The following LRRC37A2 variants were observed in gnomAD, a reference collection of about 807,000 sequenced individuals.
LRRC37A2 encodes leucine-rich repeat-containing protein 37A2.
Under a neutral mutation model 68.8 loss-of-function variants are expected in LRRC37A2, and 9 were observed. That is an observed-to-expected ratio of 0.13 (90% CI 0.08 to 0.23). The LOEUF (loss-of-function observed/expected upper bound fraction) is 0.23. Ranked by LOEUF, LRRC37A2 falls within the 10% of genes least tolerant of loss-of-function variation. LRRC37A2 has a pLI of 1.00. For synonymous variants in LRRC37A2, 63 were observed against 367.6 expected (o/e 0.17, Z 9.48); for missense variants, 168 against 950.4 (o/e 0.18, Z 10.82).
chr17:46,548,482 G>A, exon 10 of LRRC37A2: 1 of 1,187,028 alleles, frequency 8.4e-7, no homozygotes, highest in Non-Finnish European at 1.1e-6. Flanking sequence ...TGACGAGAGT[G>A]ATTTTATCAG....
chr17:46,747,722 TAGAAAG>T, the LRRC37A2 span, among the ~76,000 whole-genome samples: 3 of 152,276 alleles, frequency 2.0e-5, no homozygotes, highest in East Asian at 5.8e-4. Context: ...TGAAAAGTAT[TAGAAAG>T]AGAAAGAAAT....
chr17:46,833,441 G>A, the LRRC37A2 span: 2 of 513,934 alleles, frequency 3.9e-6, no homozygotes, highest in Middle Eastern at 3.3e-4. Context: ...GAATCAGAAG[G>A]TGAGTGTTAG....
In LRRC37A2 at chr17:46,515,154, G is replaced by GT; in HGVS notation, c.2442_2443insT (p.Ala815CysfsTer18). On this transcript the variant is annotated frameshift_variant, in exon 2 of 15. Transcript: ENST00000576629. LOFTEE classifies it high-confidence loss of function. ...AGTCTGAAAGTTACACCCAAAATAA[G>GT]GCTTTAACTGCACCAGAGGAACACA... 4.2e-6 allele frequency: 2 copies of GT among 475,194 alleles called. 1 individual carries two copies. The highest frequency in any genetic ancestry group is 6.8e-6 in the Non-Finnish European group (2 of 294,424). The allele number at this position is 475,194 out of a possible 1,614,324, so 29.4% of individuals were successfully genotyped here.
chr17:46,925,377 C>T, the LRRC37A2 span, among the ~76,000 whole-genome samples: 1 of 152,242 alleles, frequency 6.6e-6, no homozygotes, highest in Non-Finnish European at 1.5e-5. Context: ...CTACTATGTG[C>T]TGTGCACCAT....
the LRRC37A2 span, among the ~76,000 whole-genome samples, chr17:46,793,279 A>AAG: frequency 1.4e-5 from 2 of 145,462 alleles, 1 homozygote; most frequent in Admixed American, 1.4e-4. Flanking sequence ...GTCTAAAAAA[A>AAG]AAAAAAAAAA....
the LRRC37A2 span, chr17:46,940,811 C>T: frequency 6.8e-7 from 1 of 1,476,386 alleles, no homozygotes; most frequent in Non-Finnish European, 9.0e-7. Flanking sequence ...GGGTCTTTAC[C>T]ACCTGCGGCT....
At chr17:46,936,354 C>T in the LRRC37A2 span, 8 of 985,376 alleles carry the variant, frequency 8.1e-6, no homozygotes, top group Non-Finnish European at 9.6e-6. Context: ...ATGCTAACTT[C>T]CCACTCAAGT....
the LRRC37A2 span, chr17:46,941,909 A>G: frequency 1.0e-6 from 1 of 984,990 alleles, no homozygotes; most frequent in Non-Finnish European, 1.2e-6. Context: ...TGATGTGTGT[A>G]TTTTGGAACC....
chr17:46,959,501 A>G, the LRRC37A2 span, among the ~76,000 whole-genome samples: 1 of 152,288 alleles, frequency 6.6e-6, no homozygotes, highest in East Asian at 1.9e-4. Flanking sequence ...GAGCAAAGGA[A>G]AAGGTTCTTC....
chr17:46,752,332 A>G, the LRRC37A2 span, among the ~76,000 whole-genome samples: 4 of 152,138 alleles, frequency 2.6e-5, no homozygotes, highest in African/African-American at 9.7e-5. Flanking sequence ...TATCTGACAT[A>G]CTAGGTAGCT....
the LRRC37A2 span, among the ~76,000 whole-genome samples, chr17:46,823,955 T>C: frequency 6.6e-6 from 1 of 152,168 alleles, no homozygotes; most frequent in Non-Finnish European, 1.5e-5. Context: ...ATACAAAATA[T>C]TGGGTTTCCT....
chr17:46,541,249 C>G (rs903212976), intron 8 of LRRC37A2, among the ~76,000 whole-genome samples: 6 of 150,492 alleles, frequency 4.0e-5, no homozygotes, highest in African/African-American at 1.0e-4. Context: ...TTCACAAAGC[C>G]TAATTTTTTT....
the LRRC37A2 span, among the ~76,000 whole-genome samples, chr17:46,737,336 A>G: frequency 6.6e-6 from 1 of 152,174 alleles, no homozygotes; most frequent in Non-Finnish European, 1.5e-5. Context: ...GGAATATAGG[A>G]TACTTAGTTA....
chr17:46,740,662 C>CTT, the LRRC37A2 span, among the ~76,000 whole-genome samples: 1 of 137,144 alleles, frequency 7.3e-6, no homozygotes, highest in Non-Finnish European at 1.6e-5. Context: ...TTATCTTTTT[C>CTT]TTTTTTTTTT....
At chr17:46,726,532 A>G in the LRRC37A2 span, 1 of 1,612,766 alleles carries the variant, frequency 6.2e-7, no homozygotes. Flanking sequence ...ATAATAAATG[A>G]CTTTGTTTTC....
At chr17:46,838,587 A>C in the LRRC37A2 span, among the ~76,000 whole-genome samples, 1 of 152,128 alleles carries the variant, frequency 6.6e-6, no homozygotes, top group East Asian at 1.9e-4. Flanking sequence ...TGATGGCGCC[A>C]CTGCACTCCA....
the LRRC37A2 span, among the ~76,000 whole-genome samples, chr17:46,659,674 A>G: frequency 2.1e-5 from 3 of 141,848 alleles, no homozygotes; most frequent in African/African-American, 8.7e-5. Flanking sequence ...ATGAATAAGT[A>G]CAGAAATGCA....
the LRRC37A2 span, among the ~76,000 whole-genome samples, chr17:46,767,766 G>C: frequency 6.6e-6 from 1 of 151,920 alleles, no homozygotes; most frequent in Admixed American, 6.6e-5. Flanking sequence ...TGCACACACT[G>C]AATTTTGTTT....
the LRRC37A2 span, among the ~76,000 whole-genome samples, chr17:46,725,713 G>A: frequency 3.3e-5 from 5 of 152,076 alleles, no homozygotes; most frequent in Non-Finnish European, 7.4e-5. Context: ...GGTGGGGATC[G>A]GGTTTACTAT....
Sources: gnomAD v4.1 joint callset for allele counts (sites outside exome capture counted in the v4.1 genomes callset) on GRCh38, gnomAD v4.1.1 for gene constraint, MANE v1.5 for transcripts, NCBI Gene and HGNC (gene_info 2026-07-23, HGNC 2026-07-21) for gene names.